The following DEFB118 variants were observed in gnomAD, a reference collection of about 807,000 sequenced individuals.
DEFB118 encodes the protein defensin beta 118, also known as defensin, beta 18.
In DEFB118, 3 loss-of-function variants were observed where a neutral mutation model predicts 2.8. The ratio of observed to expected loss-of-function variants is 1.09; its 90% CI spans 0.50 to 2.82. The LOEUF is 2.82. DEFB118 is among the 30% of genes most tolerant of loss of function. The probability of loss-of-function intolerance (pLI) is 0.04; values close to 1 mark genes in which losing one functional copy is unlikely to be tolerated. For missense variants in DEFB118, 159 were observed against 144.6 expected (o/e 1.10, Z -0.51); for synonymous variants, 63 against 53.5 (o/e 1.18, Z -0.78).
intron 1 of DEFB118, among the ~76,000 whole-genome samples, chr20:31,371,777 G>T (rs960053154): frequency 6.6e-6 from 1 of 152,020 alleles, no homozygotes; most frequent in Non-Finnish European, 1.5e-5. Flanking sequence ...AGATTTTAGT[G>T]CACCCATCAC....
At chr20:31,370,338 T>C (rs1315435397) in intron 1 of DEFB118, among the ~76,000 whole-genome samples, 1 of 152,230 alleles carries the variant, frequency 6.6e-6, no homozygotes, top group Non-Finnish European at 1.5e-5. Context: ...TGTGATCACT[T>C]TGAAAGCAAT....
At position 31,372,938 on chromosome 20, in the gene DEFB118, C is replaced by G; in HGVS notation, c.140C>G (p.Thr47Arg). The G allele has an allele frequency of 6.2e-7, 1 of 1,614,182 alleles. No individual in the cohort carries two copies. Among genetic ancestry groups the G allele is most frequent in the Non-Finnish European group, 8.5e-7 (1 of 1,180,030 alleles). The part of the protein sequence containing the change: ...QCKDGEAVKD[T>R]CKNLRACCIP... Reference sequence around the variant, plus strand: ...AAAGATGGAGAAGCAGTGAAAGATACATGCAAAAATCTTCGAGCTTGCTGC... The same window carrying G: ...AAAGATGGAGAAGCAGTGAAAGATAGATGCAAAAATCTTCGAGCTTGCTGC... The change falls in exon 2 of 2, where the codon ACA (threonine) becomes AGA (arginine). Residue 47 changes from threonine (T) to arginine (R), a missense_variant. Physicochemically the swap from Thr to Arg is moderately conservative, Grantham distance 71. Coordinates refer to ENST00000253381, the MANE Select transcript of DEFB118 (RefSeq NM_054112.3).
At chr20:31,371,151 T>C (rs1017870269) in intron 1 of DEFB118, among the ~76,000 whole-genome samples, 20 of 152,286 alleles carry the variant, frequency 1.3e-4, no homozygotes, top group African/African-American at 4.6e-4. Context: ...CTTAACTTAC[T>C]CTATACTCAC....
In DEFB118 at chr20:31,372,953, G is replaced by C; in HGVS notation, c.155G>C (p.Arg52Pro). ...EAVKDTCKNLRACCIPSNEDH... is the reference protein window; with the variant it reads ...EAVKDTCKNLPACCIPSNEDH... Reference sequence around the variant, plus strand: ...GTGAAAGATACATGCAAAAATCTTCGAGCTTGCTGCATTCCATCCAATGAA... The same window carrying C: ...GTGAAAGATACATGCAAAAATCTTCCAGCTTGCTGCATTCCATCCAATGAA... Residue 52 changes from arginine (R) to proline (P), a missense_variant, in exon 2 of 2, where the codon CGA (arginine) becomes CCA (proline). Physicochemically the swap from Arg to Pro is moderately radical, Grantham distance 103 (BLOSUM62 -2). Transcript: ENST00000253381. 2 of 1,614,132 alleles carry C rather than the reference G, an allele frequency of 1.2e-6. No individual in the cohort carries two copies. Among genetic ancestry groups the C allele is most frequent in the Non-Finnish European group, 1.7e-6 (2 of 1,180,030 alleles).
In DEFB118 at chr20:31,368,605, A is replaced by T. The variant is rs1265006598; in HGVS notation, c.-46A>T. On this transcript the variant is annotated 5_prime_UTR_variant, in exon 1 of 2. Transcript: ENST00000253381. ...TCTTGTTCAGACTCACACTGCACAC[A>T]GTATTCTGAACTCCTGGATCTACCA... 1 of 1,591,328 alleles carries T rather than the reference A, an allele frequency of 6.3e-7. No homozygotes were observed. The highest frequency in any genetic ancestry group is 1.1e-5 in the South Asian group (1 of 90,620).
chr20:31,373,107 T>C lies in DEFB118; in HGVS notation c.309T>C (p.Val103=). 1 of 1,614,136 alleles carries C rather than the reference T, an allele frequency of 6.2e-7. No individual in the cohort carries two copies. The highest frequency in any genetic ancestry group is 8.5e-7 in the Non-Finnish European group (1 of 1,180,026). The change falls in exon 2 of 2, where the codon GTT becomes GTC. Residue 103 remains valine (V), a synonymous_variant. Transcript: ENST00000253381. ...AAGTAAGCAGCAAGAAAGATATGGT[T>C]GAAGAGTCTGAGGCGGGAAGGGGAA... The part of the protein sequence containing the change: ...YFEVSSKKDM[V]EESEAGRGTE...
intron 1 of DEFB118, among the ~76,000 whole-genome samples, chr20:31,371,100 G>GTGA (rs1274035419): frequency 6.6e-6 from 1 of 152,140 alleles, no homozygotes; most frequent in East Asian, 1.9e-4. Flanking sequence ...AAGATTCTAT[G>GTGA]TGATCTCAAC....
chr20:31,368,701 G>A lies in DEFB118; in HGVS notation c.51G>A (p.Val17=). The change falls in exon 1 of 2, where the codon GTG becomes GTA. Residue 17 remains valine, a synonymous_variant. Coordinates refer to ENST00000253381, the MANE Select transcript of DEFB118 (RefSeq NM_054112.3). The part of the protein sequence containing the change: ...ALPMLVLLPQ[V]IPAYSGEKKC... The stretch of plus-strand genomic sequence containing the variant: ...CTATGCTTGTGCTCCTACCCCAAGT[G>A]ATCCCAGGTAATCAGAGGTCAGGGA... The A allele has an allele frequency of 6.2e-7, 1 of 1,613,536 alleles. No individual in the cohort carries two copies. Among genetic ancestry groups the A allele is most frequent in the Non-Finnish European group, 8.5e-7 (1 of 1,179,632 alleles).
chr20:31,370,651 C>A (rs1214195364), intron 1 of DEFB118, among the ~76,000 whole-genome samples: 1 of 152,128 alleles, frequency 6.6e-6, no homozygotes, highest in Non-Finnish European at 1.5e-5. Flanking sequence ...ATCTCCCTAC[C>A]CTCTCACCGA....
chr20:31,369,521 C>T (rs1179467538), intron 1 of DEFB118, among the ~76,000 whole-genome samples: 1 of 151,718 alleles, frequency 6.6e-6, no homozygotes, highest in Non-Finnish European at 1.5e-5. Flanking sequence ...TCCCAAGCAG[C>T]TGGGATTACA....
rs1276422919 is a variant in DEFB118, at chr20:31,373,917, A to C, written c.*747A>C. 1 of 152,004 alleles carries C rather than the reference A, an allele frequency of 6.6e-6. No homozygotes were observed. The highest frequency in any genetic ancestry group is 1.5e-5 in the Non-Finnish European group (1 of 67,992). 9.4% of individuals were successfully genotyped at this position (152,004 alleles called of 1,614,324 possible). ...TCTGATAGCAAAAAAAAAAAAAAAA[A>C]AAAAAATCTTCACATCCTATCCCAT... On this transcript the variant is annotated 3_prime_UTR_variant, in exon 2 of 2. Transcript: ENST00000253381.
chr20:31,371,830 T>A (rs1201670225), intron 1 of DEFB118, among the ~76,000 whole-genome samples: 1 of 152,018 alleles, frequency 6.6e-6, no homozygotes, highest in Non-Finnish European at 1.5e-5. Context: ...TTTTCATCCC[T>A]CCCCCTCCTC....
chr20:31,370,267 A>G (rs746372573), intron 1 of DEFB118, among the ~76,000 whole-genome samples: 1 of 152,268 alleles, frequency 6.6e-6, no homozygotes. Flanking sequence ...GAAATTGCCA[A>G]CTCTGGGGGT....
chr20:31,370,521 C>A (rs1433596362), intron 1 of DEFB118, among the ~76,000 whole-genome samples: 2 of 152,084 alleles, frequency 1.3e-5, no homozygotes, highest in Non-Finnish European at 2.9e-5. Context: ...TTGGAGCCAT[C>A]CTCTTGGAGC....
chr20:31,368,776 G>A lies in DEFB118; in HGVS notation c.58+68G>A, dbSNP rs1319943892. The A allele has an allele frequency of 4.8e-6, 7 of 1,453,534 alleles. No individual in the cohort carries two copies. In the East Asian group the frequency reaches 1.2e-4, roughly 24 times the overall value. 90.0% of individuals were successfully genotyped at this position (1,453,534 alleles called of 1,614,324 possible). On this transcript the variant is annotated intron_variant, in intron 1 of 1. Transcript: ENST00000253381. ...GGTTCTGGCTCATGAAAATTCCAAT[G>A]TGTCACGGTACTCCCCAACATGGGC...
intron 1 of DEFB118, among the ~76,000 whole-genome samples, chr20:31,372,493 G>T (rs1986227861): frequency 6.6e-6 from 1 of 152,120 alleles, no homozygotes; most frequent in South Asian, 2.1e-4. Flanking sequence ...AGGTTGCAGT[G>T]AGCTGAGATC....
chr20:31,369,393 T>TTG (rs920860068), intron 1 of DEFB118, among the ~76,000 whole-genome samples: 7 of 145,832 alleles, frequency 4.8e-5, no homozygotes, highest in African/African-American at 1.8e-4. Context: ...GTGTTTTTTT[T>TTG]TTTTTTTTTT....
chr20:31,373,224 T>A lies in DEFB118; in HGVS notation c.*54T>A. The A allele has an allele frequency of 6.5e-7, 1 of 1,535,964 alleles. No individual in the cohort carries two copies. The highest frequency in any genetic ancestry group is 8.9e-7 in the Non-Finnish European group (1 of 1,128,444). Reference sequence around the variant, plus strand: ...CCTCAGAGTGATAAACTAAGTCACATACAGATAAAGCACTGAAAACACCAC... The same window carrying A: ...CCTCAGAGTGATAAACTAAGTCACAAACAGATAAAGCACTGAAAACACCAC... On this transcript the variant is annotated 3_prime_UTR_variant, in exon 2 of 2. Coordinates refer to ENST00000253381, the MANE Select transcript of DEFB118 (RefSeq NM_054112.3).
chr20:31,369,525 G>A (rs1986176890), intron 1 of DEFB118, among the ~76,000 whole-genome samples: 1 of 151,866 alleles, frequency 6.6e-6, no homozygotes, highest in Non-Finnish European at 1.5e-5. Flanking sequence ...AAGCAGCTGG[G>A]ATTACAGGCA....
Sources: gnomAD v4.1 joint callset for allele counts (sites outside exome capture counted in the v4.1 genomes callset) on GRCh38, gnomAD v4.1.1 for gene constraint, MANE v1.5 for transcripts, NCBI Gene and HGNC (gene_info 2026-07-23, HGNC 2026-07-21) for gene names.